The following TLK2 variants were observed in gnomAD, a reference collection of about 807,000 sequenced individuals.
The protein encoded by TLK2 is tousled like kinase 2.
A neutral mutation model predicts 117.3 loss-of-function variants in TLK2; 6 were observed. The ratio of observed to expected loss-of-function variants is 0.05; its 90% CI spans 0.03 to 0.10. The LOEUF is 0.10. TLK2 is among the 10% of genes least tolerant of loss of function. TLK2 has a pLI of 1.00. For missense variants in TLK2, 299 were observed against 901.2 expected (o/e 0.33, Z 8.56); for synonymous variants, 257 against 316.7 (o/e 0.81, Z 2.00).
intron 2 of TLK2, among the ~76,000 whole-genome samples, chr17:62,515,988 G>A (rs772317695): frequency 2.6e-5 from 4 of 151,904 alleles, no homozygotes; most frequent in Middle Eastern, 6.8e-3. Context: ...GCAGTGGCGC[G>A]ATTTCAGCTC....
chr17:62,523,481 G>A (rs1472688012), intron 5 of TLK2, among the ~76,000 whole-genome samples: 3 of 152,224 alleles, frequency 2.0e-5, no homozygotes, highest in Admixed American at 1.3e-4. Context: ...TTGGGAGGCT[G>A]AGGTGGGAGG....
chr17:62,575,850 C>A (rs1598699235), intron 12 of TLK2, among the ~76,000 whole-genome samples: 1 of 152,132 alleles, frequency 6.6e-6, no homozygotes, highest in East Asian at 1.9e-4. Context: ...GCATGTGCCA[C>A]CATGCCCAGC....
rs746913741 is a variant in TLK2, at chr17:62,578,453, C to A, written c.1189-24C>A. 3 of 1,596,168 alleles carry A rather than the reference C, an allele frequency of 1.9e-6. No individual in the cohort carries two copies. In the South Asian group the frequency reaches 3.3e-5, roughly 18 times the overall value. On this transcript the variant is annotated intron_variant, in intron 13 of 21. Transcript: ENST00000346027. ...AAGGTAAAGTTCCCCCTATTTTGTG[C>A]TATTTCTTTCCTTTTCGCTTTAGGA...
At chr17:62,594,354 G>A (rs1424203979) in intron 16 of TLK2, among the ~76,000 whole-genome samples, 2 of 152,272 alleles carry the variant, frequency 1.3e-5, no homozygotes, top group East Asian at 3.9e-4. Context: ...ACCACAGTGA[G>A]CTGTGATCGC....
chr17:62,533,927 G>A (rs149428230), intron 6 of TLK2, among the ~76,000 whole-genome samples: 222 of 151,800 alleles, frequency 1.5e-3, no homozygotes, highest in African/African-American at 5.0e-3. Flanking sequence ...CTGCACAAAC[G>A]TCCTACCATC....
At chr17:62,587,061 A>C (rs956226977) in intron 16 of TLK2, among the ~76,000 whole-genome samples, 7 of 151,686 alleles carry the variant, frequency 4.6e-5, no homozygotes, top group Admixed American at 6.6e-5. Flanking sequence ...TTGCTTCTCT[A>C]TAGAATAGTA....
At chr17:62,494,502 C>T (rs896956822) in intron 2 of TLK2, among the ~76,000 whole-genome samples, 4 of 152,156 alleles carry the variant, frequency 2.6e-5, no homozygotes, top group African/African-American at 4.8e-5. Flanking sequence ...AGGGATCTGC[C>T]TGCCTTGGCC....
At chr17:62,542,692 G>C (rs2145967729) in intron 7 of TLK2, among the ~76,000 whole-genome samples, 1 of 152,318 alleles carries the variant, frequency 6.6e-6, no homozygotes, top group Middle Eastern at 3.4e-3. Flanking sequence ...GAGAGACATT[G>C]AATTAGTTTA....
intron 3 of TLK2, among the ~76,000 whole-genome samples, chr17:62,521,255 C>T (rs2076027121): frequency 6.6e-6 from 1 of 152,158 alleles, no homozygotes; most frequent in African/African-American, 2.4e-5. Context: ...TGCATACGTA[C>T]AGTTATGATG....
chr17:62,541,304 G>C (rs372939395), intron 7 of TLK2, among the ~76,000 whole-genome samples: 1 of 151,756 alleles, frequency 6.6e-6, no homozygotes, highest in African/African-American at 2.4e-5. Context: ...CAAGGACTTT[G>C]CTTTGTTCAC....
chr17:62,606,287 G>GCA (rs147744353), intron 20 of TLK2, 46 bp downstream of exon 20: 116 of 1,169,540 alleles, frequency 9.9e-5, no homozygotes, highest in South Asian at 2.3e-4. Context: ...TTCTTGGGTG[G>GCA]CACACACACA....
chr17:62,489,174 C>CGCGT (rs1555595579), intron 2 of TLK2, among the ~76,000 whole-genome samples: 1 of 140,740 alleles, frequency 7.1e-6, no homozygotes, highest in Non-Finnish European at 1.5e-5. Context: ...TTTAATTGTA[C>CGCGT]GTGTGTGTGT....
intron 2 of TLK2, among the ~76,000 whole-genome samples, chr17:62,502,415 TGAAAA>T (rs2074279411): frequency 6.6e-6 from 1 of 152,166 alleles, no homozygotes; most frequent in Non-Finnish European, 1.5e-5. Context: ...AAGGCATTTA[TGAAAA>T]ATATATAAGT....
chr17:62,478,353 G>C (rs2071165804), upstream of TLK2, among the ~76,000 whole-genome samples: 2 of 151,324 alleles, frequency 1.3e-5, no homozygotes, highest in Non-Finnish European at 3.0e-5. Flanking sequence ...GCGGGGGCCG[G>C]CGAGGCGGAT....
chr17:62,483,460 T>C (rs946946832), intron 2 of TLK2, among the ~76,000 whole-genome samples: 3 of 152,246 alleles, frequency 2.0e-5, no homozygotes, highest in East Asian at 1.9e-4. Context: ...ACCTTTAACA[T>C]AGAAAGAAGT....
At chr17:62,588,367 A>G (rs1005532818) in intron 16 of TLK2, among the ~76,000 whole-genome samples, 2 of 152,306 alleles carry the variant, frequency 1.3e-5, no homozygotes, top group African/African-American at 4.8e-5. Context: ...ACAGTTGGCA[A>G]GCACTCTGAG....
upstream of TLK2, among the ~76,000 whole-genome samples, chr17:62,474,660 G>C (rs1373108458): frequency 6.7e-6 from 1 of 148,862 alleles, no homozygotes; most frequent in Non-Finnish European, 1.5e-5. Context: ...TGCCCGCCTC[G>C]GCCTACCAAA....
At chr17:62,596,353 C>T (rs577666132) in intron 16 of TLK2, among the ~76,000 whole-genome samples, 4 of 152,206 alleles carry the variant, frequency 2.6e-5, no homozygotes, top group East Asian at 1.9e-4. Flanking sequence ...GGATTACAGG[C>T]GTGAGCCACT....
chr17:62,472,058 C>T (rs1036777498), intron 1 of TLK2, among the ~76,000 whole-genome samples: 3 of 151,176 alleles, frequency 2.0e-5, no homozygotes, highest in Admixed American at 1.3e-4. Flanking sequence ...GGCGCCCCCC[C>T]ACCATGTCCG....
Sources: allele counts gnomAD v4.1 joint callset (sites outside exome capture counted in the v4.1 genomes callset), GRCh38; gene constraint gnomAD v4.1.1; transcripts MANE v1.5; gene names NCBI Gene and HGNC (gene_info 2026-07-23, HGNC 2026-07-21).